Variants in KCNQ3 observed in about 807,000 individuals in gnomAD.
KCNQ3 encodes potassium voltage-gated channel subfamily KQT member 3.
KCNQ3 carries 30 observed loss-of-function variants against 92.5 expected under a neutral mutation model. The observed-to-expected ratio is 0.32, with a 90% confidence interval of 0.24 to 0.44. The LOEUF (loss-of-function observed/expected upper bound fraction) is 0.44. KCNQ3 is among the 20% of genes least tolerant of loss of function. The pLI, the probability that KCNQ3 is intolerant of heterozygous loss-of-function variation, is 1.00. For synonymous variants in KCNQ3, 450 were observed against 468.8 expected (o/e 0.96, Z 0.52); for missense variants, 913 against 1,140.3 (o/e 0.80, Z 2.87).
At chr8:132,140,036 G>A (rs762809748) in intron 11 of KCNQ3, 40 bp downstream of exon 11, 23 of 1,355,712 alleles carry the variant, frequency 1.7e-5, no homozygotes, top group Non-Finnish European at 1.4e-5. Context: ...GCTGGAGCGG[G>A]GGAGGCACAC....
intron 8 of KCNQ3, among the ~76,000 whole-genome samples, chr8:132,169,918 G>A (rs1485411867): frequency 6.6e-6 from 1 of 151,846 alleles, no homozygotes; most frequent in Non-Finnish European, 1.5e-5. Context: ...GTGTTGCCCA[G>A]GCTGAAGTGC....
At chr8:132,395,833 T>TGTC (rs1820176504) in intron 1 of KCNQ3, among the ~76,000 whole-genome samples, 1 of 152,178 alleles carries the variant, frequency 6.6e-6, no homozygotes, top group Non-Finnish European at 1.5e-5. Flanking sequence ...CCTAGGGGAA[T>TGTC]GTCGCATCTC....
At chr8:132,218,883 C>A (rs746325927) in intron 1 of KCNQ3, among the ~76,000 whole-genome samples, 2 of 152,196 alleles carry the variant, frequency 1.3e-5, no homozygotes, top group Non-Finnish European at 2.9e-5. Flanking sequence ...TTCCTCACTT[C>A]CCTTCTCTCC....
intron 1 of KCNQ3, among the ~76,000 whole-genome samples, chr8:132,276,468 A>G (rs1206540450): frequency 6.6e-6 from 1 of 152,132 alleles, no homozygotes; most frequent in Non-Finnish European, 1.5e-5. Flanking sequence ...AGCCCCTGCA[A>G]TGGGCTCTGA....
intron 1 of KCNQ3, among the ~76,000 whole-genome samples, chr8:132,456,905 G>T (rs539673908): frequency 1.3e-4 from 20 of 152,152 alleles, no homozygotes; most frequent in Non-Finnish European, 2.8e-4. Context: ...AAGCCACCGC[G>T]CCTGGCTGAC....
At chr8:132,433,047 T>C (rs1821294108) in intron 1 of KCNQ3, among the ~76,000 whole-genome samples, 1 of 152,226 alleles carries the variant, frequency 6.6e-6, no homozygotes. Context: ...ATCATAATTA[T>C]TGACCTGTTC....
intron 2 of KCNQ3, among the ~76,000 whole-genome samples, chr8:132,184,676 C>T (rs1389100790): frequency 6.6e-6 from 1 of 152,128 alleles, no homozygotes; most frequent in African/African-American, 2.4e-5. Flanking sequence ...TTAAAAGTCC[C>T]TTTAATGAAT....
intron 9 of KCNQ3, among the ~76,000 whole-genome samples, chr8:132,156,233 T>G (rs1009234135): frequency 6.6e-6 from 1 of 151,634 alleles, no homozygotes; most frequent in African/African-American, 2.4e-5. Context: ...CAGGCTGAGC[T>G]CTCTTCAAGA....
intron 1 of KCNQ3, among the ~76,000 whole-genome samples, chr8:132,190,346 T>C (rs1827121410): frequency 2.0e-5 from 3 of 152,136 alleles, no homozygotes; most frequent in South Asian, 2.1e-4. Context: ...AGATAAGATG[T>C]CACTACTCTG....
At chr8:132,200,733 C>T (rs1260565964) in intron 1 of KCNQ3, among the ~76,000 whole-genome samples, 2 of 152,044 alleles carry the variant, frequency 1.3e-5, no homozygotes, top group Non-Finnish European at 2.9e-5. Context: ...ATAAATCTGC[C>T]TCTGGAAACA....
chr8:132,319,541 A>G (rs2130632105), intron 1 of KCNQ3, among the ~76,000 whole-genome samples: 1 of 152,288 alleles, frequency 6.6e-6, no homozygotes, highest in Admixed American at 6.5e-5. Flanking sequence ...AGATTTCTCA[A>G]TTATCTGAGA....
rs529201916 is a variant in KCNQ3 at position 132,238,819 on chromosome 8, G to A, written c.387-52638C>T. Among the ~76,000 whole-genome samples, 177 of 152,268 alleles carry A rather than the reference G, an allele frequency of 1.2e-3. 1 individual carries two copies. The highest frequency in any genetic ancestry group is 4.2e-3 in the African/African-American group (175 of 41,568). On this transcript the variant is annotated intron_variant, in intron 1 of 14. Coordinates refer to ENST00000388996, the MANE Select transcript of KCNQ3 (RefSeq NM_004519.4). ...GTTAGGGGTCCATCCCCAGCCCAAT[G>A]CTGTGTACATGAAGTCATATGGTCC...
At chr8:132,374,706 T>G (rs983928649) in intron 1 of KCNQ3, among the ~76,000 whole-genome samples, 1 of 152,132 alleles carries the variant, frequency 6.6e-6, no homozygotes, top group African/African-American at 2.4e-5. Flanking sequence ...GGCCCCAGCG[T>G]CTGTTATTCC....
At chr8:132,344,052 G>T (rs1818611286) in intron 1 of KCNQ3, among the ~76,000 whole-genome samples, 1 of 152,188 alleles carries the variant, frequency 6.6e-6, no homozygotes, top group South Asian at 2.1e-4. Context: ...GGTGCCTTTG[G>T]TGAGAAATCC....
At chr8:132,361,412 G>T (rs1217222317) in intron 1 of KCNQ3, among the ~76,000 whole-genome samples, 1 of 152,168 alleles carries the variant, frequency 6.6e-6, no homozygotes, top group African/African-American at 2.4e-5. Flanking sequence ...GTTCTTTAAT[G>T]TACTGACCTT....
At chr8:132,414,333 C>T (rs893330096) in intron 1 of KCNQ3, among the ~76,000 whole-genome samples, 2 of 152,118 alleles carry the variant, frequency 1.3e-5, no homozygotes, top group Non-Finnish European at 2.9e-5. Flanking sequence ...GGGAGGGATC[C>T]CCTCTAGCAG....
chr8:132,309,331 T>G (rs1364574877), intron 1 of KCNQ3, among the ~76,000 whole-genome samples: 1 of 152,360 alleles, frequency 6.6e-6, no homozygotes, highest in Admixed American at 6.5e-5. Flanking sequence ...TATCTCCTGC[T>G]GCTCATTAAT....
intron 1 of KCNQ3, among the ~76,000 whole-genome samples, chr8:132,314,622 G>A (rs1020578606): frequency 1.3e-5 from 2 of 152,130 alleles, no homozygotes; most frequent in African/African-American, 4.8e-5. Flanking sequence ...ATTGAGTAGA[G>A]GCAATAAAGT....
intron 1 of KCNQ3, among the ~76,000 whole-genome samples, chr8:132,464,006 G>A (rs1430129464): frequency 6.6e-6 from 1 of 152,188 alleles, no homozygotes; most frequent in Non-Finnish European, 1.5e-5. Flanking sequence ...CCAACATGGT[G>A]AAACCCTGTT....
Sources: gnomAD v4.1 joint callset for allele counts (sites outside exome capture counted in the v4.1 genomes callset) on GRCh38, gnomAD v4.1.1 for gene constraint, MANE v1.5 for transcripts, NCBI Gene and HGNC (gene_info 2026-07-23, HGNC 2026-07-21) for gene names.